The following KCNK9 variants were observed in gnomAD, a reference collection of about 807,000 sequenced individuals.
KCNK9 encodes potassium channel subfamily K member 9.
In KCNK9, 1 loss-of-function variant was observed where a neutral mutation model predicts 10.8. That is an observed-to-expected ratio of 0.09 (90% CI 0.03 to 0.44). The LOEUF (loss-of-function observed/expected upper bound fraction) is 0.44, where lower values mean the gene tolerates loss of function less well. Ranked by LOEUF, KCNK9 falls within the 20% of genes least tolerant of loss-of-function variation. KCNK9 has a pLI of 0.97. For missense variants in KCNK9, 303 were observed against 515.0 expected (o/e 0.59, Z 3.98); for synonymous variants, 231 against 222.7 (o/e 1.04, Z -0.33).
At chr8:139,631,015 C>A (rs1339521457) in intron 1 of KCNK9, among the ~76,000 whole-genome samples, 1 of 152,218 alleles carries the variant, frequency 6.6e-6, no homozygotes, top group Non-Finnish European at 1.5e-5. Context: ...AGGGGCTCTG[C>A]GCAGCGCCGG....
At chr8:139,622,770 CTG>C (rs1814832323) in intron 1 of KCNK9, among the ~76,000 whole-genome samples, 3 of 152,218 alleles carry the variant, frequency 2.0e-5, no homozygotes, top group Admixed American at 6.5e-5. Context: ...ACTGCAGGTA[CTG>C]TGTACAAACA....
At chr8:139,612,382 GATGA>G (rs933208370), downstream of KCNK9, 2 of 152,194 alleles carry the variant, frequency 1.3e-5, no homozygotes, top group Non-Finnish European at 2.9e-5. Flanking sequence ...TTTTTATGAT[GATGA>G]ATGAGTGGAA....
At chr8:139,660,014 G>A (rs573598820) in intron 1 of KCNK9, among the ~76,000 whole-genome samples, 1 of 152,180 alleles carries the variant, frequency 6.6e-6, no homozygotes, top group Non-Finnish European at 1.5e-5. Flanking sequence ...ACAGAGTGGG[G>A]TGGGAGTCTT....
chr8:139,654,690 G>A (rs1047663587), intron 1 of KCNK9, among the ~76,000 whole-genome samples: 2 of 152,226 alleles, frequency 1.3e-5, no homozygotes, highest in African/African-American at 2.4e-5. Flanking sequence ...TGAGGATACT[G>A]TAAGATCCAC....
At chr8:139,687,405 T>G (rs1449802127) in intron 1 of KCNK9, among the ~76,000 whole-genome samples, 1 of 91,318 alleles carries the variant, frequency 1.1e-5, no homozygotes, top group Non-Finnish European at 2.4e-5. Flanking sequence ...TGTATACATA[T>G]ATATTCATAT....
intron 1 of KCNK9, among the ~76,000 whole-genome samples, chr8:139,650,206 C>T (rs1815820645): frequency 6.6e-6 from 1 of 152,306 alleles, no homozygotes; most frequent in Middle Eastern, 3.4e-3. Context: ...AGGGATCATG[C>T]TGGCTGCTGT....
chr8:139,700,420 T>C (rs1400562413), intron 1 of KCNK9, among the ~76,000 whole-genome samples: 1 of 152,062 alleles, frequency 6.6e-6, no homozygotes, highest in Non-Finnish European at 1.5e-5. Flanking sequence ...GGGTTCCAAG[T>C]TGAACATCTT....
chr8:139,685,241 A>T (rs1375893155), intron 1 of KCNK9, among the ~76,000 whole-genome samples: 1 of 152,182 alleles, frequency 6.6e-6, no homozygotes, highest in African/African-American at 2.4e-5. Context: ...CAGATAGTGA[A>T]CACTTGAAAC....
downstream of KCNK9, among the ~76,000 whole-genome samples, chr8:139,608,620 G>C (rs1284710414): frequency 6.6e-6 from 1 of 151,328 alleles, no homozygotes; most frequent in Admixed American, 6.6e-5. Context: ...TGCAGGCTTT[G>C]CGGGGGGGCG....
intron 1 of KCNK9, among the ~76,000 whole-genome samples, chr8:139,665,915 A>G (rs1013537440): frequency 5.9e-5 from 9 of 152,220 alleles, no homozygotes; most frequent in Admixed American, 3.3e-4. Flanking sequence ...GCCGAGCCTG[A>G]GAAGCTCAGC....
At chr8:139,616,908 C>CA (rs1213365723), downstream of KCNK9, 1 of 20,332 alleles carries the variant, frequency 4.9e-5, no homozygotes, top group East Asian at 6.1e-4. Context: ...GCCTGAACTA[C>CA]CCCACCACCT....
intron 1 of KCNK9, among the ~76,000 whole-genome samples, chr8:139,628,189 G>T (rs1815037661): frequency 6.6e-6 from 1 of 152,208 alleles, no homozygotes; most frequent in African/African-American, 2.4e-5. Context: ...GTGGGGGTCA[G>T]TGAGACCCAC....
intron 1 of KCNK9, among the ~76,000 whole-genome samples, chr8:139,668,945 G>C (rs918506492): frequency 2.8e-4 from 42 of 151,986 alleles, no homozygotes; most frequent in Non-Finnish European, 5.9e-5. Context: ...ATGCAGTTTC[G>C]GTCTAAGACA....
intron 1 of KCNK9, among the ~76,000 whole-genome samples, chr8:139,629,976 C>T (rs932014003): frequency 1.2e-4 from 18 of 151,520 alleles, no homozygotes; most frequent in African/African-American, 3.9e-4. Flanking sequence ...CATGAAAGAA[C>T]AAGTATTGTA....
downstream of KCNK9, among the ~76,000 whole-genome samples, chr8:139,615,370 T>C (rs185646411): frequency 1.3e-5 from 2 of 152,172 alleles, no homozygotes; most frequent in African/African-American, 2.4e-5. Context: ...GTGGTAGGAG[T>C]TGGGCATCTC....
At chr8:139,654,381 C>T (rs1344880002) in intron 1 of KCNK9, among the ~76,000 whole-genome samples, 2 of 152,212 alleles carry the variant, frequency 1.3e-5, no homozygotes, top group African/African-American at 2.4e-5. Context: ...CGGCCAGACC[C>T]TGCCAGGCCT....
Position 139,702,606 on chromosome 8 carries a change from C to T in KCNK9, c.283+104G>A, listed in dbSNP as rs1347831500. 1.4e-5 allele frequency: 17 copies of T among 1,200,098 alleles called. No individual in the cohort carries two copies. Among genetic ancestry groups the T allele is most frequent in the Non-Finnish European group, 1.8e-5 (16 of 871,948 alleles). 74.3% of individuals were successfully genotyped at this position (1,200,098 alleles called of 1,614,324 possible). On this transcript the variant is annotated intron_variant, in intron 1 of 1. Transcript: ENST00000520439. The surrounding 1 kb of genome is among the most constrained non-coding windows in gnomAD (Gnocchi z 7.5). ...GCGGGAAGGCCCCCAAGGGAGGCTG[C>T]GTTTAACCCTCGACGCCCTGCACCC...
In KCNK9 at chr8:139,633,138, AAC is replaced by A. The variant is rs887033073; in HGVS notation, c.284-14041_284-14040del. ...ACAGGTACATACACACAGGCACTCA[AAC>A]ACACACATGTATACAGAAACATGGA... is the stretch of plus-strand genomic sequence containing the variant. On this transcript the variant is annotated intron_variant, in intron 1 of 1. Transcript: ENST00000520439. Among the ~76,000 whole-genome samples, 20 of 144,672 alleles carry A rather than the reference AAC, an allele frequency of 1.4e-4. 1 individual carries two copies. Among genetic ancestry groups the A allele is most frequent in the Admixed American group, 8.1e-4 (12 of 14,886 alleles). 94.9% of individuals were successfully genotyped at this position (144,672 alleles called of 152,430 possible). A position where few individuals can be genotyped will look rare whatever the true frequency, so the allele number is the denominator to read the frequency against.
At chr8:139,621,102 GT>G (rs1316431273) in intron 1 of KCNK9, among the ~76,000 whole-genome samples, 1 of 152,056 alleles carries the variant, frequency 6.6e-6, no homozygotes, top group Non-Finnish European at 1.5e-5. Flanking sequence ...GGCCAACATG[GT>G]GAAACCCCAT....
Sources: gnomAD v4.1 joint callset for allele counts (sites outside exome capture counted in the v4.1 genomes callset) on GRCh38, gnomAD v4.1.1 for gene constraint, Gnocchi (gnomAD v3.1) non-coding constraint, MANE v1.5 for transcripts, NCBI Gene and HGNC (gene_info 2026-07-23, HGNC 2026-07-21) for gene names.